The following BDH2 variants were observed in gnomAD, a reference collection of about 807,000 sequenced individuals.
BDH2 encodes the protein dehydrogenase/reductase SDR family member 6.
BDH2 carries 24 observed loss-of-function variants against 33.2 expected under a neutral mutation model. The ratio of observed to expected loss-of-function variants is 0.72; its 90% confidence interval spans 0.52 to 1.02. BDH2 has a LOEUF of 1.02. Among genes scored for constraint, BDH2 ranks in the 50% least tolerant of loss-of-function variants. BDH2 has a pLI of 0.00. For missense variants in BDH2, 249 were observed against 301.6 expected (o/e 0.83, Z 1.29); for synonymous variants, 81 against 101.6 (o/e 0.80, Z 1.22).
At chr4:103,097,695 C>G (rs1222675409) in intron 1 of BDH2, 5 of 152,224 alleles carry the variant, frequency 3.3e-5, no homozygotes, top group African/African-American at 1.2e-4. Flanking sequence ...TTCACCAGAT[C>G]TATGCTACTT....
At chr4:103,094,673 A>G (rs1449663667) in intron 3 of BDH2, among the ~76,000 whole-genome samples, 3 of 152,110 alleles carry the variant, frequency 2.0e-5, no homozygotes, top group East Asian at 3.8e-4. Flanking sequence ...TAAAAAATTT[A>G]GTAAGAAAAA....
chr4:103,083,042 A>G (rs955859505), intron 7 of BDH2, 113 bp from the exon 8 acceptor site: 2 of 960,904 alleles, frequency 2.1e-6, no homozygotes, highest in Non-Finnish European at 3.3e-6. Context: ...TTGACTTAAA[A>G]TGACAACTTT....
chr4:103,085,462 C>A lies in BDH2; in HGVS notation c.419G>T (p.Gly140Val). ...GCTGTACACACATCTGTTCACAACT[C>A]CTGAGGGTGGAGGAAAGGTTCAACA... ...NMSSVASSVK[G>V]VVNRCVYSTT... is the part of the protein sequence containing the mutation. The change falls in exon 7 of 10, where the codon GGA (glycine) becomes GTA (valine). Residue 140 changes from glycine to valine, a missense_variant and splice_region_variant. Coordinates refer to ENST00000296424, the MANE Select transcript of BDH2 (RefSeq NM_020139.4). 6.2e-7 allele frequency: 1 copy of A among 1,610,286 alleles called. No homozygotes were observed. Among genetic ancestry groups the A allele is most frequent in the Non-Finnish European group, 8.5e-7 (1 of 1,177,444 alleles).
intron 9 of BDH2, among the ~76,000 whole-genome samples, chr4:103,081,683 G>A (rs759361759): frequency 1.2e-4 from 18 of 152,328 alleles, no homozygotes; most frequent in Non-Finnish European, 1.8e-4. Context: ...TGCGAATTCT[G>A]TGTCCACTGA....
chr4:103,083,272 C>T (rs1340476995), intron 7 of BDH2, among the ~76,000 whole-genome samples: 1 of 152,162 alleles, frequency 6.6e-6, no homozygotes, highest in African/African-American at 2.4e-5. Context: ...AGCTAATCCT[C>T]ACAATAACCC....
intron 1 of BDH2, among the ~76,000 whole-genome samples, chr4:103,097,456 A>G (rs904573818): frequency 6.6e-6 from 1 of 152,016 alleles, no homozygotes; most frequent in Non-Finnish European, 1.5e-5. Flanking sequence ...CCAAATGACC[A>G]TCAAATGAGG....
At chr4:103,095,890 C>T (rs953162582) in intron 2 of BDH2, among the ~76,000 whole-genome samples, 1 of 152,190 alleles carries the variant, frequency 6.6e-6, no homozygotes, top group African/African-American at 2.4e-5. Context: ...TGTTTGCCCT[C>T]TGTAGCGAAT....
intron 1 of BDH2, 76 bp from the exon 2 acceptor site, chr4:103,096,350 T>C (rs1239367397): frequency 7.9e-6 from 7 of 883,572 alleles, no homozygotes; most frequent in Non-Finnish European, 1.1e-5. Flanking sequence ...GAATGAATAG[T>C]TCAGTGTGCT....
intron 2 of BDH2, among the ~76,000 whole-genome samples, chr4:103,095,896 C>T (rs911575111): frequency 6.6e-6 from 1 of 152,122 alleles, no homozygotes; most frequent in Non-Finnish European, 1.5e-5. Flanking sequence ...CCCTCTGTAG[C>T]GAATATATCA....
At chr4:103,085,159 G>A (rs942593752) in intron 7 of BDH2, among the ~76,000 whole-genome samples, 190 bp downstream of exon 7, 17 of 152,096 alleles carry the variant, frequency 1.1e-4, no homozygotes, top group Admixed American at 1.0e-3. Context: ...ATGAGGGATC[G>A]GCACACCTTT....
intron 5 of BDH2, among the ~76,000 whole-genome samples, chr4:103,088,327 G>T (rs933825156): frequency 3.9e-5 from 6 of 152,156 alleles, no homozygotes; most frequent in Non-Finnish European, 8.8e-5. Flanking sequence ...ATAAAGATGG[G>T]TTATTATGTA....
chr4:103,082,327 C>T (rs557901872), intron 8 of BDH2, among the ~76,000 whole-genome samples, 154 bp from the exon 9 acceptor site: 2 of 152,294 alleles, frequency 1.3e-5, no homozygotes, highest in South Asian at 4.1e-4. Context: ...GCCAAAGTTA[C>T]TCAAATTGTT....
At chr4:103,096,307 TA>T in intron 1 of BDH2, 33 bp from the exon 2 acceptor site, 1 of 1,382,234 alleles carries the variant, frequency 7.2e-7, no homozygotes, top group African/African-American at 1.4e-5. Flanking sequence ...GGTTATACTG[TA>T]GAACATGATC....
At chr4:103,089,242 A>C (rs1044831706) in intron 5 of BDH2, among the ~76,000 whole-genome samples, 9 of 152,210 alleles carry the variant, frequency 5.9e-5, no homozygotes, top group Non-Finnish European at 1.2e-4. Flanking sequence ...TTATGGCTGG[A>C]AGTGATTGTG....
chr4:103,088,515 T>C (rs1175505570), intron 5 of BDH2, among the ~76,000 whole-genome samples: 1 of 152,136 alleles, frequency 6.6e-6, no homozygotes, highest in African/African-American at 2.4e-5. Context: ...CCTGTTCCCA[T>C]GCTGCCTTCC....
At chr4:103,083,733 G>T (rs1246357786) in intron 7 of BDH2, among the ~76,000 whole-genome samples, 2 of 152,080 alleles carry the variant, frequency 1.3e-5, no homozygotes, top group Admixed American at 1.3e-4. Flanking sequence ...GTAACAAATG[G>T]TTTTACAGTC....
intron 6 of BDH2, 132 bp from the exon 7 acceptor site, chr4:103,085,594 T>A: frequency 6.9e-7 from 1 of 1,443,902 alleles, no homozygotes; most frequent in Non-Finnish European, 9.4e-7. Context: ...TTAAAAAGAT[T>A]GATATCAGAT....
chr4:103,079,698 A>G lies in BDH2; in HGVS notation c.*4T>C, dbSNP rs778528081. 2.1e-5 allele frequency: 34 copies of G among 1,613,722 alleles called. No individual in the cohort carries two copies. The highest frequency in any genetic ancestry group is 2.9e-5 in the Non-Finnish European group (34 of 1,179,696). On this transcript the variant is annotated 3_prime_UTR_variant, in exon 10 of 10. Coordinates refer to ENST00000296424, the MANE Select transcript of BDH2 (RefSeq NM_020139.4). ...CCTTCCTTCCCACCATGGAGATCCT[A>G]AAATCACAAGCTCCAGCCTCCATCA...
At chr4:103,090,096 G>A (rs1026165219) in intron 5 of BDH2, among the ~76,000 whole-genome samples, 2 of 152,142 alleles carry the variant, frequency 1.3e-5, no homozygotes, top group African/African-American at 4.8e-5. Flanking sequence ...AAATCCAGCT[G>A]GGATGGAAGG....
Sources: gnomAD v4.1 joint callset for allele counts (sites outside exome capture counted in the v4.1 genomes callset) on GRCh38, gnomAD v4.1.1 for gene constraint, MANE v1.5 for transcripts, NCBI Gene and HGNC (gene_info 2026-07-23, HGNC 2026-07-21) for gene names.